The following CHRM3 variants were observed in gnomAD, a reference collection of about 807,000 sequenced individuals.
CHRM3 encodes the protein muscarinic acetylcholine receptor M3.
CHRM3 carries 11 observed loss-of-function variants against 41.8 expected under a neutral mutation model. The ratio of observed to expected loss-of-function variants is 0.26; its 90% CI spans 0.17 to 0.44. CHRM3 has a LOEUF of 0.44. Among genes scored for constraint, CHRM3 ranks in the 20% least tolerant of loss-of-function variants. CHRM3 has a pLI of 1.00. For synonymous variants in CHRM3, 297 were observed against 301.4 expected (o/e 0.99, Z 0.15); for missense variants, 571 against 745.4 (o/e 0.77, Z 2.72).
chr1:239,413,840 C>A (rs375649784), intron 1 of CHRM3, among the ~76,000 whole-genome samples: 6 of 151,024 alleles, frequency 4.0e-5, no homozygotes, highest in Admixed American at 4.0e-4. Context: ...CATATGTGCA[C>A]GTTTTTTTAA....
At chr1:239,698,597 A>G (rs2148063976) in intron 5 of CHRM3, among the ~76,000 whole-genome samples, 1 of 152,362 alleles carries the variant, frequency 6.6e-6, no homozygotes, top group East Asian at 1.9e-4. Flanking sequence ...TTCAGATACA[A>G]TAAATGTATT....
At chr1:239,557,067 G>C (rs1264013387) in intron 3 of CHRM3, among the ~76,000 whole-genome samples, 1 of 152,082 alleles carries the variant, frequency 6.6e-6, no homozygotes, top group African/African-American at 2.4e-5. Context: ...CCAGGGCTCT[G>C]CTGAGAAGTG....
At chr1:239,889,341 C>A (rs1035445947) in intron 6 of CHRM3, among the ~76,000 whole-genome samples, 5 of 152,086 alleles carry the variant, frequency 3.3e-5, no homozygotes, top group Admixed American at 2.0e-4. Context: ...TTTTATTATG[C>A]AAGTAGGTTT....
intron 5 of CHRM3, among the ~76,000 whole-genome samples, chr1:239,690,131 A>G (rs1451351256): frequency 6.6e-6 from 1 of 152,154 alleles, no homozygotes; most frequent in Non-Finnish European, 1.5e-5. Flanking sequence ...CTTCTGCCAT[A>G]CCATCCAGAA....
intron 5 of CHRM3, among the ~76,000 whole-genome samples, chr1:239,697,522 AATGATATCAGGGAAAATCAAGGCTC>A (rs1184591856): frequency 2.6e-5 from 4 of 152,188 alleles, no homozygotes; most frequent in African/African-American, 9.7e-5. Context: ...TTGAGCAAAA[AATGATATCAGGGAAAATCAAGGCTC>A]ATAGATGGCA....
chr1:239,889,408 C>G (rs1572603916), intron 6 of CHRM3, among the ~76,000 whole-genome samples: 1 of 152,248 alleles, frequency 6.6e-6, no homozygotes, highest in South Asian at 2.1e-4. Flanking sequence ...ATAACACAAA[C>G]AGGGAAGATG....
At chr1:239,442,534 A>C (rs1195889731) in intron 1 of CHRM3, among the ~76,000 whole-genome samples, 2 of 152,104 alleles carry the variant, frequency 1.3e-5, no homozygotes, top group Admixed American at 6.6e-5. Context: ...TGAGGCCAGA[A>C]GCAGTGATAT....
At position 239,691,529 on chromosome 1, in the gene CHRM3, C is replaced by T. The variant is rs75528716; in HGVS notation, c.-147+13241C>T. ...TCAGTTTAAACAAAATGTCAACTTG[C>T]GAGAGTAACTATCAAGCTGTTACCT... On this transcript the variant is annotated intron_variant, in intron 5 of 6. Coordinates refer to ENST00000676153, the MANE Select transcript of CHRM3 (RefSeq NM_001375978.1). 1.9e-4 allele frequency among the ~76,000 whole-genome samples: 29 copies of T among 152,202 alleles called. No homozygotes were observed. The East Asian group carries it at 2.5e-3, about 13-fold the overall frequency.
chr1:239,833,657 G>A (rs912048087), intron 6 of CHRM3, among the ~76,000 whole-genome samples: 11 of 152,176 alleles, frequency 7.2e-5, no homozygotes, highest in South Asian at 2.1e-4. Context: ...ATACATCCCC[G>A]AGGAGGGGAC....
At chr1:239,589,137 T>C (rs1459035713) in intron 3 of CHRM3, among the ~76,000 whole-genome samples, 1 of 152,082 alleles carries the variant, frequency 6.6e-6, no homozygotes, top group South Asian at 2.1e-4. Context: ...TTTCACCATG[T>C]TGGCCAAGCT....
intron 3 of CHRM3, among the ~76,000 whole-genome samples, chr1:239,561,358 G>A (rs976722810): frequency 3.3e-5 from 5 of 152,028 alleles, no homozygotes; most frequent in African/African-American, 7.2e-5. Context: ...CCTTCATCTC[G>A]TCTCACCTTC....
At chr1:239,814,308 G>C (rs1338486975) in intron 5 of CHRM3, among the ~76,000 whole-genome samples, 1 of 152,126 alleles carries the variant, frequency 6.6e-6, no homozygotes, top group Non-Finnish European at 1.5e-5. Flanking sequence ...GCACTGTGGA[G>C]TGTGTTTGGT....
chr1:239,727,293 C>T lies in CHRM3; in HGVS notation c.-147+49005C>T, dbSNP rs569129128. Among the ~76,000 whole-genome samples, 4 of 151,948 alleles carry T rather than the reference C, an allele frequency of 2.6e-5. No homozygotes were observed. The East Asian group carries it at 7.8e-4, about 30-fold the overall frequency. ...GAATTGTTATTCTGAGTAGCCTGCA[C>T]CTGACCCCAAAAGAATGAATATTAA... On this transcript the variant is annotated intron_variant, in intron 5 of 6. Coordinates refer to ENST00000676153, the MANE Select transcript of CHRM3 (RefSeq NM_001375978.1).
At chr1:239,596,804 C>T (rs190609188) in intron 3 of CHRM3, among the ~76,000 whole-genome samples, 1 of 152,128 alleles carries the variant, frequency 6.6e-6, no homozygotes, top group East Asian at 1.9e-4. Context: ...GATAAGGGGG[C>T]AGAAAAGTGG....
intron 1 of CHRM3, among the ~76,000 whole-genome samples, chr1:239,462,510 A>C (rs1665432286): frequency 6.6e-6 from 1 of 152,212 alleles, no homozygotes; most frequent in Non-Finnish European, 1.5e-5. Flanking sequence ...TAAAAAACAG[A>C]ATTTCAATTT....
intron 3 of CHRM3, among the ~76,000 whole-genome samples, chr1:239,591,215 C>G (rs573589142): frequency 4.7e-4 from 71 of 152,256 alleles, no homozygotes; most frequent in African/African-American, 1.6e-3. Flanking sequence ...ACAATTCCGC[C>G]TCTATAAAAT....
rs545276076 is a variant in CHRM3 at position 239,914,104 on chromosome 1, AAC to A, written c.*4881_*4882del. 2 of 167,118 alleles carry A rather than the reference AAC, an allele frequency of 1.2e-5. No individual in the cohort carries two copies. Among genetic ancestry groups the A allele is most frequent in the Non-Finnish European group, 2.9e-5 (2 of 68,126 alleles). The allele number at this position is 167,118 out of a possible 1,614,324, so 10.4% of individuals were successfully genotyped here. ...TCCCGCACCCAAATTATAATCCGGCAACCCTAGCTTCAGCTAAAAAGATTATC... is the reference window on the plus strand; with the variant it reads ...TCCCGCACCCAAATTATAATCCGGCACCTAGCTTCAGCTAAAAAGATTATC... On this transcript the variant is annotated 3_prime_UTR_variant, in exon 7 of 7. Transcript: ENST00000676153.
chr1:239,839,766 T>A (rs62630), intron 6 of CHRM3, among the ~76,000 whole-genome samples: 59,475 of 150,796 alleles, frequency 0.39, 12,861 homozygotes, highest in South Asian at 0.53. Context: ...ACCATGAATG[T>A]CTGGGACATT....
At chr1:239,692,659 C>T (rs1659829637) in intron 5 of CHRM3, among the ~76,000 whole-genome samples, 1 of 152,086 alleles carries the variant, frequency 6.6e-6, no homozygotes, top group Non-Finnish European at 1.5e-5. Flanking sequence ...AACTGAAGTG[C>T]TTGCCAATAG....
Sources: allele counts gnomAD v4.1 joint callset (sites outside exome capture counted in the v4.1 genomes callset), GRCh38; gene constraint gnomAD v4.1.1; transcripts MANE v1.5; gene names NCBI Gene and HGNC (gene_info 2026-07-23, HGNC 2026-07-21).